The following AXIN1 variants were observed in gnomAD, a reference collection of about 807,000 sequenced individuals.
AXIN1 encodes axin 1, also known as axin-1.
Under a neutral mutation model 76.4 loss-of-function variants are expected in AXIN1, and 30 were observed. That is an observed-to-expected ratio of 0.39 (90% CI 0.29 to 0.53). The LOEUF (loss-of-function observed/expected upper bound fraction) is 0.53. Ranked by LOEUF, AXIN1 falls within the 20% of genes least tolerant of loss-of-function variation. The pLI, the probability that AXIN1 is intolerant of heterozygous loss-of-function variation, is 0.66. For synonymous variants in AXIN1, 545 were observed against 501.4 expected (o/e 1.09, Z -1.16); for missense variants, 1,140 against 1,198.8 (o/e 0.95, Z 0.72).
intron 2 of AXIN1, among the ~76,000 whole-genome samples, chr16:321,234 C>G (rs1880765847): frequency 6.6e-6 from 1 of 151,278 alleles, no homozygotes; most frequent in East Asian, 1.9e-4. Context: ...AGGCAGGAGC[C>G]GCCACCCTCC....
In AXIN1 at chr16:346,976, G is replaced by A. The variant is rs1396816583; in HGVS notation, c.50C>T (p.Thr17Ile). The change falls in exon 2 of 11, where the codon ACC (threonine) becomes ATC (isoleucine). Residue 17 changes from threonine to isoleucine, a missense_variant. Coordinates refer to ENST00000262320, the MANE Select transcript of AXIN1 (RefSeq NM_003502.4). ...GFPLDLGASF[T>I]EDAPRPPVPG... is the part of the protein sequence containing the mutation. ...CACTGGGGGTCGGGGAGCATCTTCG[G>A]TGAAACTTGCTCCGAGGTCCAAGGG... The A allele has an allele frequency of 6.2e-7, 1 of 1,614,104 alleles. No individual in the cohort carries two copies.
In AXIN1 at chr16:293,948, C is replaced by A. The variant is rs747243989; in HGVS notation, c.1956-230G>T. On this transcript the variant is annotated intron_variant, in intron 7 of 10. Coordinates refer to ENST00000262320, the MANE Select transcript of AXIN1 (RefSeq NM_003502.4). This position sits in a 1 kb window ranked among gnomAD's most constrained non-coding sequence, Gnocchi z 4.6. ...ATCCCAGCATTTCGGGAGGCCGAGG[C>A]GGGCAGATCACCAGAGGTCGGGAGT... Among the ~76,000 whole-genome samples, 1 of 151,968 alleles carries A rather than the reference C, an allele frequency of 6.6e-6. No individual in the cohort carries two copies. The highest frequency in any genetic ancestry group is 1.5e-5 in the Non-Finnish European group (1 of 67,964).
At chr16:313,042 G>A (rs1306848266) in intron 3 of AXIN1, among the ~76,000 whole-genome samples, 1 of 152,232 alleles carries the variant, frequency 6.6e-6, no homozygotes, top group East Asian at 1.9e-4. Context: ...GCCGGATGCA[G>A]TGGCTCATGC....
chr16:340,542 G>C (rs570170844), intron 2 of AXIN1, among the ~76,000 whole-genome samples: 15 of 152,362 alleles, frequency 9.8e-5, no homozygotes, highest in African/African-American at 3.6e-4. Flanking sequence ...CAGCCAGGGA[G>C]TGCAGGCCCT....
intron 5 of AXIN1, among the ~76,000 whole-genome samples, chr16:298,687 T>G (rs214249): frequency 0.37 from 56,706 of 151,850 alleles, 10,911 homozygotes; most frequent in African/African-American, 0.43. Flanking sequence ...TTTTTGTACT[T>G]TGGGGACAGA....
chr16:347,205 CTCAAACTCAAA>C, intron 1 of AXIN1, 99 bp from the exon 2 acceptor site: 1 of 1,031,436 alleles, frequency 9.7e-7, no homozygotes, highest in Non-Finnish European at 1.4e-6. Context: ...CGCCCTCCCG[CTCAAACTCAAA>C]GCAAGAAACT....
chr16:318,433 T>G (rs1466240865), intron 2 of AXIN1, among the ~76,000 whole-genome samples: 1 of 152,122 alleles, frequency 6.6e-6, no homozygotes, highest in African/African-American at 2.4e-5. Context: ...TGTTTACTAT[T>G]GATCTTCGTA....
rs2052640279 is a variant in AXIN1 at position 293,979 on chromosome 16, A to G, written c.1956-261T>C. On this transcript the variant is annotated intron_variant, in intron 7 of 10. Coordinates refer to ENST00000262320, the MANE Select transcript of AXIN1 (RefSeq NM_003502.4). The surrounding 1 kb of genome is among the most constrained non-coding windows in gnomAD (Gnocchi z 4.6). ...GATCACCAGAGGTCGGGAGTTCGAGATCAACCTAACATGGTGAAACCTCAT... is the reference window on the plus strand; with the variant it reads ...GATCACCAGAGGTCGGGAGTTCGAGGTCAACCTAACATGGTGAAACCTCAT... Among the ~76,000 whole-genome samples, 1 of 152,118 alleles carries G rather than the reference A, an allele frequency of 6.6e-6. No homozygotes were observed. Among genetic ancestry groups the G allele is most frequent in the South Asian group, 2.1e-4 (1 of 4,812 alleles).
intron 3 of AXIN1, among the ~76,000 whole-genome samples, chr16:311,325 C>A (rs2053172519): frequency 6.6e-6 from 1 of 151,944 alleles, no homozygotes; most frequent in Non-Finnish European, 1.5e-5. Flanking sequence ...CCACCGCGCC[C>A]AGCCCGCAAC....
At chr16:336,136 G>A (rs1277769726) in intron 2 of AXIN1, among the ~76,000 whole-genome samples, 2 of 152,150 alleles carry the variant, frequency 1.3e-5, no homozygotes, top group Non-Finnish European at 2.9e-5. Flanking sequence ...TCGGGAGGCC[G>A]AGGCAGAAGA....
At chr16:288,591 A>C (rs528421766) in intron 10 of AXIN1, among the ~76,000 whole-genome samples, 1 of 152,300 alleles carries the variant, frequency 6.6e-6, no homozygotes, top group South Asian at 2.1e-4. Context: ...AGGTGACCCC[A>C]ACTGGGGCCC....
rs184228333 is a variant in AXIN1 at position 293,842 on chromosome 16, C to G, written c.1956-124G>C. 53 of 943,156 alleles carry G rather than the reference C, an allele frequency of 5.6e-5. No individual in the cohort carries two copies. The East Asian group carries it at 9.5e-4, about 17-fold the overall frequency. The allele number at this position is 943,156 out of a possible 1,614,324, so 58.4% of individuals were successfully genotyped here. On this transcript the variant is annotated intron_variant, in intron 7 of 10. Coordinates refer to ENST00000262320, the MANE Select transcript of AXIN1 (RefSeq NM_003502.4). This position sits in a 1 kb window ranked among gnomAD's most constrained non-coding sequence, Gnocchi z 4.6. ...ATAGGATGGGATGGGGCACTGGGGCCTGGCCACCAAGCCACATGGACGTCC... is the reference window on the plus strand; with the variant it reads ...ATAGGATGGGATGGGGCACTGGGGCGTGGCCACCAAGCCACATGGACGTCC...
At chr16:296,712 G>A (rs915487236) in intron 7 of AXIN1, among the ~76,000 whole-genome samples, 1 of 152,212 alleles carries the variant, frequency 6.6e-6, no homozygotes, top group African/African-American at 2.4e-5. Flanking sequence ...TGGTCAGTGG[G>A]GGCCTTCCCA....
At chr16:321,713 C>T (rs1187973209) in intron 2 of AXIN1, among the ~76,000 whole-genome samples, 1 of 151,356 alleles carries the variant, frequency 6.6e-6, no homozygotes, top group African/African-American at 2.4e-5. Context: ...GGATGCCAAC[C>T]CACGAAGGGT....
intron 3 of AXIN1, among the ~76,000 whole-genome samples, chr16:311,633 T>C (rs770056379): frequency 1.6e-3 from 242 of 151,776 alleles, no homozygotes; most frequent in Non-Finnish European, 2.8e-3. Context: ...TAGCCAGGTG[T>C]GGTGGCGAGT....
At chr16:324,498 A>C (rs1309359456) in intron 2 of AXIN1, among the ~76,000 whole-genome samples, 3 of 152,066 alleles carry the variant, frequency 2.0e-5, no homozygotes, top group Non-Finnish European at 4.4e-5. Flanking sequence ...TTCCCAACCA[A>C]CCCGCCCAGT....
intron 2 of AXIN1, among the ~76,000 whole-genome samples, chr16:334,034 C>A (rs1001289206): frequency 6.7e-6 from 1 of 149,418 alleles, no homozygotes; most frequent in Non-Finnish European, 1.5e-5. Flanking sequence ...TACCACAGCA[C>A]CCAGTACCAT....
chr16:306,402 G>A (rs971935717), intron 4 of AXIN1, among the ~76,000 whole-genome samples: 2 of 152,186 alleles, frequency 1.3e-5, no homozygotes, highest in Non-Finnish European at 2.9e-5. Context: ...TGTCTAAGCC[G>A]CGGAGGGATG....
intron 5 of AXIN1, among the ~76,000 whole-genome samples, chr16:300,375 T>A (rs1299261052): frequency 6.6e-6 from 1 of 152,064 alleles, no homozygotes; most frequent in East Asian, 1.9e-4. Flanking sequence ...TTTCTTTTTT[T>A]TTTGTAGAGA....
Sources: allele counts gnomAD v4.1 joint callset (sites outside exome capture counted in the v4.1 genomes callset), GRCh38; gene constraint gnomAD v4.1.1; non-coding constraint Gnocchi (gnomAD v3.1); transcripts MANE v1.5; gene names NCBI Gene and HGNC (gene_info 2026-07-23, HGNC 2026-07-21).